ERMP1: variants seen among roughly 807,000 people sequenced by gnomAD.
ERMP1 encodes the protein endoplasmic reticulum metallopeptidase 1.
ERMP1 carries 86 observed loss-of-function variants against 92.0 expected under a neutral mutation model. The observed-to-expected ratio is 0.93, with a 90% CI of 0.79 to 1.12. ERMP1 has a LOEUF of 1.12. Among genes scored for constraint, ERMP1 ranks in the 50% most tolerant of loss-of-function variants. The probability of loss-of-function intolerance (pLI) is 0.00; values close to 1 mark genes in which losing one functional copy is unlikely to be tolerated. For synonymous variants in ERMP1, 530 were observed against 412.8 expected, an observed-to-expected ratio of 1.28 and a Z score of -3.44; for missense variants, 1,342 against 1,116.3, an observed-to-expected ratio of 1.20 and a Z score of -2.88.
intron 8 of ERMP1, among the ~76,000 whole-genome samples, chr9:5,807,993 T>A (rs746907073): frequency 4.2e-4 from 64 of 151,698 alleles, no homozygotes; most frequent in African/African-American, 1.1e-3. Context: ...TTGTTTTTTT[T>A]AAAAAAAAAT....
chr9:5,826,726 C>T (rs2129662176), intron 2 of ERMP1, among the ~76,000 whole-genome samples: 1 of 152,210 alleles, frequency 6.6e-6, no homozygotes, highest in African/African-American at 2.4e-5. Context: ...TGTCACCTTC[C>T]AAAAACCTAA....
At chr9:5,814,404 G>GT (rs1190957074) in intron 4 of ERMP1, among the ~76,000 whole-genome samples, 2 of 152,076 alleles carry the variant, frequency 1.3e-5, no homozygotes, top group Non-Finnish European at 2.9e-5. Context: ...TAAGAATATT[G>GT]TTTTTTTAAC....
rs79338029 is a variant in ERMP1, at chr9:5,787,225, T to C, written c.2634A>G (p.Gln878=). Residue 878 remains glutamine, a synonymous_variant, in exon 15 of 15, where the codon CAA becomes CAG. Coordinates refer to ENST00000339450, the MANE Select transcript of ERMP1 (RefSeq NM_024896.3). ...YLSGEDKRSP[Q]LDALKEKFPD... ...GGAACTTTTCCTTCAGAGCATCCAG[T>C]TGAGGGGATCTCTTGTCTTCCCCAG... 32 of 1,614,068 alleles carry C rather than the reference T, an allele frequency of 2.0e-5. 1 individual carries two copies. The highest frequency in any genetic ancestry group is 6.7e-5 in the African/African-American group (5 of 75,038).
intron 5 of ERMP1, among the ~76,000 whole-genome samples, chr9:5,862,562 G>A (rs945676570): frequency 6.6e-6 from 1 of 152,040 alleles, no homozygotes; most frequent in Admixed American, 6.6e-5. Context: ...GCCAAGGCTG[G>A]TCTTAAAGTC....
chr9:5,801,654 T>C (rs1828677774), intron 10 of ERMP1, among the ~76,000 whole-genome samples: 1 of 152,248 alleles, frequency 6.6e-6, no homozygotes, highest in Admixed American at 6.5e-5. Context: ...AATGTAGATG[T>C]AATGGATTAT....
At chr9:5,824,135 G>C (rs1829646126) in intron 3 of ERMP1, 134 bp from the exon 4 acceptor site, 1 of 672,764 alleles carries the variant, frequency 1.5e-6, no homozygotes, top group Non-Finnish European at 2.5e-6. Flanking sequence ...TTCAAAGGCA[G>C]TATCCAAAGA....
chr9:5,809,571 T>C (rs1829009106), intron 8 of ERMP1, among the ~76,000 whole-genome samples: 1 of 152,202 alleles, frequency 6.6e-6, no homozygotes, highest in Non-Finnish European at 1.5e-5. Flanking sequence ...AGGCAACAAA[T>C]ACTTGCTGTG....
intron 6 of ERMP1, among the ~76,000 whole-genome samples, chr9:5,856,845 A>T (rs537903443): frequency 6.6e-6 from 1 of 152,264 alleles, no homozygotes; most frequent in Non-Finnish European, 1.5e-5. Flanking sequence ...CAGCACTGTA[A>T]CTCATGCCTG....
At chr9:5,842,428 CTG>C (rs1225828969) in intron 6 of ERMP1, among the ~76,000 whole-genome samples, 1 of 97,356 alleles carries the variant, frequency 1.0e-5, no homozygotes, top group Non-Finnish European at 2.0e-5. Context: ...CAGAACGAGA[CTG>C]TCTCAAAAAA....
At chr9:5,804,912 C>A in intron 10 of ERMP1, 115 bp downstream of exon 10, 1 of 765,446 alleles carries the variant, frequency 1.3e-6, no homozygotes, top group Admixed American at 3.0e-5. Flanking sequence ...ACCATTTCTT[C>A]TGCTTCAGAT....
intron 12 of ERMP1, among the ~76,000 whole-genome samples, chr9:5,798,364 G>A (rs1276841131): frequency 1.3e-5 from 2 of 151,992 alleles, no homozygotes; most frequent in African/African-American, 2.4e-5. Flanking sequence ...TTACAGGCAT[G>A]CACCACCATG....
intron 6 of ERMP1, among the ~76,000 whole-genome samples, chr9:5,851,960 T>C (rs141999783): frequency 7.5e-4 from 114 of 152,306 alleles, no homozygotes; most frequent in African/African-American, 2.5e-3. Context: ...CATTTCTTAA[T>C]AAAAACACTT....
chr9:5,833,734 A>G (rs1394358642), upstream of ERMP1, among the ~76,000 whole-genome samples: 3 of 152,262 alleles, frequency 2.0e-5, no homozygotes, highest in African/African-American at 4.8e-5. Context: ...TGAGAAACGT[A>G]GAGATAACAG....
Position 5,810,006 on chromosome 9 carries a change from C to A in ERMP1, c.1548+5G>T. On this transcript the variant is annotated splice_donor_5th_base_variant and intron_variant, in intron 8 of 14. Coordinates refer to ENST00000339450, the MANE Select transcript of ERMP1 (RefSeq NM_024896.3). ...AAGAAATCAACAAATATACCAAACA[C>A]TTACCATGTAATAAAATCTTTTCGC... 6.4e-7 allele frequency: 1 copy of A among 1,568,256 alleles called. No individual in the cohort carries two copies. Among genetic ancestry groups the A allele is most frequent in the African/African-American group, 1.3e-5 (1 of 74,132 alleles).
In ERMP1 at chr9:5,832,860, A is replaced by AC. The variant is rs1171557595; in HGVS notation, c.167dup (p.Ser57Ter). On this transcript the variant is annotated frameshift_variant, in exon 1 of 15. Transcript: ENST00000339450. LOFTEE classifies it high-confidence loss of function. ...CCGCGCCCCTGCTCGCGCCGCCGCT[A>AC]CCCCCGGGGCTCCTCTTCCGCGTCC... 6.6e-7 allele frequency: 1 copy of AC among 1,512,714 alleles called. No homozygotes were observed. The highest frequency in any genetic ancestry group is 8.8e-7 in the Non-Finnish European group (1 of 1,139,450). 93.7% of individuals were successfully genotyped at this position (1,512,714 alleles called of 1,614,324 possible).
chr9:5,844,744 G>C (rs959928140), intron 6 of ERMP1, among the ~76,000 whole-genome samples: 31 of 152,078 alleles, frequency 2.0e-4, no homozygotes, highest in African/African-American at 7.2e-4. Context: ...TTTATATATG[G>C]GTGGATTTTT....
intron 13 of ERMP1, among the ~76,000 whole-genome samples, chr9:5,790,400 G>A (rs1210502002): frequency 6.7e-6 from 1 of 150,264 alleles, no homozygotes; most frequent in Non-Finnish European, 1.5e-5. Context: ...AGCAACACAT[G>A]TAATTATAAA....
chr9:5,864,278 C>G (rs1830586298), intron 5 of ERMP1, among the ~76,000 whole-genome samples: 1 of 152,150 alleles, frequency 6.6e-6, no homozygotes, highest in African/African-American at 2.4e-5. Context: ...TTCCTCTAGT[C>G]TCCCTATCAG....
intron 5 of ERMP1, among the ~76,000 whole-genome samples, chr9:5,864,138 G>A (rs1239802028): frequency 2.0e-5 from 3 of 152,158 alleles, no homozygotes; most frequent in Non-Finnish European, 4.4e-5. Context: ...TTTGACTGTT[G>A]GAAATTGGTA....
Sources: allele counts gnomAD v4.1 joint callset (sites outside exome capture counted in the v4.1 genomes callset), GRCh38; gene constraint gnomAD v4.1.1; transcripts MANE v1.5; gene names NCBI Gene and HGNC (gene_info 2026-07-23, HGNC 2026-07-21).